Variants in SKI observed in about 807,000 individuals in gnomAD.
The protein encoded by SKI is ski oncogene.
SKI carries 23 observed loss-of-function variants against 59.3 expected under a neutral mutation model. That is an observed-to-expected ratio of 0.39 (90% CI 0.28 to 0.55). The LOEUF (loss-of-function observed/expected upper bound fraction) is 0.55. Among genes scored for constraint, SKI ranks in the 20% least tolerant of loss-of-function variants. SKI has a pLI of 0.67. For missense variants in SKI, 1,017 were observed against 1,038.9 expected (o/e 0.98, Z 0.29); for synonymous variants, 673 against 488.6 (o/e 1.38, Z -4.98).
chr1:2,282,972 C>T (rs1639942737), intron 1 of SKI, among the ~76,000 whole-genome samples: 1 of 152,222 alleles, frequency 6.6e-6, no homozygotes, highest in African/African-American at 2.4e-5. Context: ...TGGCCCGCTT[C>T]CCTTGCCGGT....
intron 1 of SKI, among the ~76,000 whole-genome samples, chr1:2,265,496 A>G (rs1248424309): frequency 6.6e-6 from 1 of 152,064 alleles, no homozygotes; most frequent in Non-Finnish European, 1.5e-5. Flanking sequence ...TACTCTTTTA[A>G]ATATGTGGAA....
At chr1:2,284,316 T>C (rs1271848002) in intron 1 of SKI, among the ~76,000 whole-genome samples, 1 of 152,102 alleles carries the variant, frequency 6.6e-6, no homozygotes, top group Non-Finnish European at 1.5e-5. Flanking sequence ...TTCCCTCCTC[T>C]CCCACCCCGA....
rs1458065708 is a variant in SKI at position 2,309,563 on chromosome 1, C to T, written c.*2798C>T. ...GTCTTGTTTTCTGGGCTGTTTTTAA[C>T]TGAGGAAAAAAAAAATGCTTTCCTG... On this transcript the variant is annotated 3_prime_UTR_variant, in exon 7 of 7. Coordinates refer to ENST00000378536, the MANE Select transcript of SKI (RefSeq NM_003036.4). 2 of 151,662 alleles carry T rather than the reference C, an allele frequency of 1.3e-5. No homozygotes were observed. Among genetic ancestry groups the T allele is most frequent in the Non-Finnish European group, 2.9e-5 (2 of 67,896 alleles). 9.4% of individuals were successfully genotyped at this position (151,662 alleles called of 1,614,324 possible). A position where few individuals can be genotyped will look rare whatever the true frequency, so the allele number is the denominator to read the frequency against.
intron 1 of SKI, among the ~76,000 whole-genome samples, chr1:2,299,944 C>T (rs1029003669): frequency 6.6e-6 from 1 of 152,174 alleles, no homozygotes; most frequent in South Asian, 2.1e-4. Flanking sequence ...GCCCAGTCCT[C>T]GGCAGGCATC....
intron 1 of SKI, among the ~76,000 whole-genome samples, chr1:2,297,874 C>T (rs1029779710): frequency 3.3e-5 from 5 of 152,254 alleles, no homozygotes; most frequent in African/African-American, 4.8e-5. Flanking sequence ...CCTGGAGGGT[C>T]CCCTTGCCCC....
intron 1 of SKI, among the ~76,000 whole-genome samples, chr1:2,282,602 G>A (rs937227463): frequency 1.3e-5 from 2 of 152,158 alleles, no homozygotes; most frequent in African/African-American, 4.8e-5. Context: ...TGGCACCAGG[G>A]CAGGGCCTCC....
At chr1:2,249,880 T>TG (rs1321543949) in intron 1 of SKI, among the ~76,000 whole-genome samples, 1 of 152,190 alleles carries the variant, frequency 6.6e-6, no homozygotes, top group Non-Finnish European at 1.5e-5. Context: ...TTCGGTGTCT[T>TG]GCTGCTGTTG....
At chr1:2,249,560 G>A (rs1639076687) in intron 1 of SKI, among the ~76,000 whole-genome samples, 1 of 152,244 alleles carries the variant, frequency 6.6e-6, no homozygotes, top group African/African-American at 2.4e-5. Context: ...TTATTCGGAA[G>A]AGATGTTTCT....
intron 1 of SKI, among the ~76,000 whole-genome samples, chr1:2,249,743 C>T (rs1226813485): frequency 6.6e-6 from 1 of 152,222 alleles, no homozygotes; most frequent in Non-Finnish European, 1.5e-5. Flanking sequence ...CCCTGTCCTG[C>T]CTCCTGCTCA....
At chr1:2,260,170 G>A (rs1373057041) in intron 1 of SKI, among the ~76,000 whole-genome samples, 5 of 152,196 alleles carry the variant, frequency 3.3e-5, no homozygotes, top group African/African-American at 4.8e-5. Context: ...CCTGGCCAGC[G>A]TGTGTGGTGG....
chr1:2,271,445 A>G, intron 1 of SKI, among the ~76,000 whole-genome samples: 1 of 151,976 alleles, frequency 6.6e-6, no homozygotes, highest in South Asian at 2.1e-4. Flanking sequence ...GCCCCCTTTT[A>G]AAGAAGACTC....
intron 1 of SKI, among the ~76,000 whole-genome samples, chr1:2,276,638 CTG>C (rs1379869334): frequency 6.6e-6 from 1 of 152,228 alleles, no homozygotes; most frequent in East Asian, 1.9e-4. Flanking sequence ...GCAGGGCTCA[CTG>C]TGTGGGGCTG....
At chr1:2,279,983 C>T (rs889158137) in intron 1 of SKI, among the ~76,000 whole-genome samples, 1 of 152,172 alleles carries the variant, frequency 6.6e-6, no homozygotes, top group Non-Finnish European at 1.5e-5. Flanking sequence ...GGCCCCACCC[C>T]CAGCCCTCCA....
intron 1 of SKI, among the ~76,000 whole-genome samples, chr1:2,287,862 C>T (rs1362633512): frequency 6.6e-6 from 1 of 152,238 alleles, no homozygotes; most frequent in Non-Finnish European, 1.5e-5. Context: ...TCCTGCATGG[C>T]ACCGCCCTCC....
At position 2,306,158 on chromosome 1, in the gene SKI, C is replaced by T. The variant is rs143354709; in HGVS notation, c.1906C>T (p.Arg636Cys). 5.1e-5 allele frequency: 81 copies of T among 1,592,798 alleles called. No homozygotes were observed. Among genetic ancestry groups the T allele is most frequent in the Non-Finnish European group, 6.7e-5 (79 of 1,170,906 alleles). The change falls in exon 6 of 7, where the codon CGC becomes TGC. Residue 636 changes from arginine (R) to cysteine (C), a missense_variant. Arg to Cys is a radical substitution (Grantham distance 180). Transcript: ENST00000378536. ...KMKEANESRLRLKRELEQARQ... is the reference protein window; with the variant it reads ...KMKEANESRLCLKRELEQARQ... ...GAAAGAGGCCAACGAGTCACGGCTGCGCCTGAAGCGGGAGCTGGAGCAGGC... is the reference window on the plus strand; with the variant it reads ...GAAAGAGGCCAACGAGTCACGGCTGTGCCTGAAGCGGGAGCTGGAGCAGGC...
chr1:2,248,824 T>C (rs867404190), intron 1 of SKI, among the ~76,000 whole-genome samples: 1 of 152,204 alleles, frequency 6.6e-6, no homozygotes. Flanking sequence ...GCAGCGTGGC[T>C]TAGGGTTTAG....
intron 1 of SKI, among the ~76,000 whole-genome samples, chr1:2,279,931 G>A (rs1474782372): frequency 6.6e-6 from 1 of 152,088 alleles, no homozygotes; most frequent in Non-Finnish European, 1.5e-5. Flanking sequence ...TGACATGTCA[G>A]GCAGTTTTAG....
intron 1 of SKI, among the ~76,000 whole-genome samples, chr1:2,246,796 C>T (rs1639007348): frequency 1.3e-5 from 2 of 152,274 alleles, no homozygotes; most frequent in Admixed American, 6.5e-5. Flanking sequence ...GGCTGCTCTT[C>T]TGTGAAGGGG....
chr1:2,238,287 G>A (rs1260633957), intron 1 of SKI, among the ~76,000 whole-genome samples: 2 of 152,248 alleles, frequency 1.3e-5, no homozygotes, highest in African/African-American at 2.4e-5. Context: ...CCAGCTGCCC[G>A]TGGCCCTCTT....
Sources: allele counts gnomAD v4.1 joint callset (sites outside exome capture counted in the v4.1 genomes callset), GRCh38; gene constraint gnomAD v4.1.1; transcripts MANE v1.5; gene names NCBI Gene and HGNC (gene_info 2026-07-23, HGNC 2026-07-21).